IFT172: variants seen among roughly 807,000 people sequenced by gnomAD.
The protein encoded by IFT172 is intraflagellar transport 172, also known as intraflagellar transport protein 172 homolog.
A neutral mutation model predicts 248.9 loss-of-function variants in IFT172; 164 were observed. The ratio of observed to expected loss-of-function variants is 0.66; its 90% CI spans 0.58 to 0.75. The LOEUF is 0.75. Ranked by LOEUF, IFT172 falls within the 30% of genes least tolerant of loss-of-function variation. The pLI, the probability that IFT172 is intolerant of heterozygous loss-of-function variation, is 0.00. For synonymous variants in IFT172, 729 were observed against 791.6 expected, an observed-to-expected ratio of 0.92 and a Z score of 1.33; for missense variants, 1,950 against 2,192.4, an observed-to-expected ratio of 0.89 and a Z score of 2.21.
intron 23 of IFT172, 65 bp downstream of exon 23, chr2:27,460,950 G>T: frequency 1.3e-6 from 2 of 1,594,744 alleles, no homozygotes; most frequent in Non-Finnish European, 1.7e-6. Flanking sequence ...CCCTACAAGA[G>T]GTGCCAGGGA....
In IFT172 at chr2:27,447,591, T is replaced by C. The variant is rs776991066; in HGVS notation, c.4583A>G (p.His1528Arg). The C allele has an allele frequency of 4.3e-6, 7 of 1,614,154 alleles. No individual in the cohort carries two copies. In the South Asian group the frequency reaches 6.6e-5, roughly 15 times the overall value. Residue 1528 changes from histidine to arginine, a missense_variant, in exon 42 of 48, where the codon CAT (histidine) becomes CGT (arginine). By Grantham distance (29) the His-to-Arg change is conservative (BLOSUM62 0). Transcript: ENST00000260570. ...CAGCAGCATCGTCTTGAACTCCTCATGGGCTGGAGAGTTTGCCTCACTGGA... is the reference window on the plus strand; with the variant it reads ...CAGCAGCATCGTCTTGAACTCCTCACGGGCTGGAGAGTTTGCCTCACTGGA... Reference protein sequence around the residue: ...VKSSEANSPAHEEFKTMLLIA... With the variant: ...VKSSEANSPAREEFKTMLLIA...
intron 18 of IFT172, among the ~76,000 whole-genome samples, chr2:27,464,725 C>T (rs946309118): frequency 6.6e-6 from 1 of 151,458 alleles, no homozygotes; most frequent in Non-Finnish European, 1.5e-5. Context: ...TCAAGTGATT[C>T]CTGTGCCTCA....
chr2:27,465,991 C>T, intron 16 of IFT172, 109 bp from the exon 17 acceptor site: 1 of 1,249,574 alleles, frequency 8.0e-7, no homozygotes, highest in East Asian at 2.3e-5. Context: ...AAGAGAGTCA[C>T]AGCGGCCCTG....
chr2:27,473,113 T>C (rs1188900507), intron 14 of IFT172, among the ~76,000 whole-genome samples: 1 of 151,898 alleles, frequency 6.6e-6, no homozygotes, highest in African/African-American at 2.4e-5. Context: ...ATGCCTGTAA[T>C]CTCAGCACTT....
At chr2:27,453,895 T>C (rs1665930658) in intron 33 of IFT172, 87 bp downstream of exon 33, 3 of 1,468,484 alleles carry the variant, frequency 2.0e-6, no homozygotes, top group Non-Finnish European at 2.8e-6. Context: ...CTCCCTGATC[T>C]TTCTTCATAC....
At position 27,445,612 on chromosome 2, in the gene IFT172, A is replaced by G; in HGVS notation, c.4914+133T>C. 7.6e-7 allele frequency: 1 copy of G among 1,319,724 alleles called. No individual in the cohort carries two copies. The highest frequency in any genetic ancestry group is 1.0e-6 in the Non-Finnish European group (1 of 956,980). 81.8% of individuals were successfully genotyped at this position (1,319,724 alleles called of 1,614,324 possible). A position where few individuals can be genotyped will look rare whatever the true frequency, so the allele number is the denominator to read the frequency against. On this transcript the variant is annotated intron_variant, in intron 45 of 47. Transcript: ENST00000260570. The surrounding 1 kb of genome is among the most constrained non-coding windows in gnomAD (Gnocchi z 4.4). ...GATGCAGTCACAGCCTTTTCTTTCT[A>G]TTTTGCTTCTACTTTCACTGAAAAA...
intron 14 of IFT172, among the ~76,000 whole-genome samples, chr2:27,472,907 G>A (rs1444156722): frequency 2.0e-5 from 3 of 152,118 alleles, no homozygotes; most frequent in East Asian, 1.9e-4. Context: ...TGGCTGGGAT[G>A]GTTTCAGGGG....
chr2:27,453,969 T>G lies in IFT172; in HGVS notation c.3711+13A>C, dbSNP rs371208266. ...CTCCCCCTCCCCTCATGGCCCTGCA[T>G]CCAGTGCCCCACCTTATAATAATTG... is the stretch of plus-strand genomic sequence containing the variant. On this transcript the variant is annotated intron_variant, in intron 33 of 47. Transcript: ENST00000260570. 1 of 1,606,136 alleles carries G rather than the reference T, an allele frequency of 6.2e-7. No homozygotes were observed. The highest frequency in any genetic ancestry group is 8.5e-7 in the Non-Finnish European group (1 of 1,178,064).
At chr2:27,489,199 C>T (rs1451145313) in intron 1 of IFT172, among the ~76,000 whole-genome samples, 1 of 152,238 alleles carries the variant, frequency 6.6e-6, no homozygotes, top group Non-Finnish European at 1.5e-5. Flanking sequence ...CCCTAGTGCC[C>T]AGCCTCTCCT....
At chr2:27,466,595 C>T (rs1667100076) in intron 16 of IFT172, among the ~76,000 whole-genome samples, 1 of 152,046 alleles carries the variant, frequency 6.6e-6, no homozygotes, top group South Asian at 2.1e-4. Context: ...CAAAAAAATA[C>T]ATTCAAAGCA....
chr2:27,477,443 A>G (rs1214098568), intron 12 of IFT172, 116 bp downstream of exon 12: 2 of 1,208,486 alleles, frequency 1.7e-6, no homozygotes, highest in Non-Finnish European at 2.5e-6. Flanking sequence ...TGCCAATTTC[A>G]TCCTCCCTGT....
Position 27,477,211 on chromosome 2 carries a change from G to C in IFT172, c.1325+6C>G, listed in dbSNP as rs753078264. 6.2e-7 allele frequency: 1 copy of C among 1,609,736 alleles called. No homozygotes were observed. Among genetic ancestry groups the C allele is most frequent in the Non-Finnish European group, 8.5e-7 (1 of 1,175,984 alleles). On this transcript the variant is annotated splice_donor_region_variant and intron_variant, in intron 13 of 47. Coordinates refer to ENST00000260570, the MANE Select transcript of IFT172 (RefSeq NM_015662.3). ...TTCAGGGATTCAGAGAATCTTGTGA[G>C]GTTACCTGATGAGGTGGGGGTTCAT...
chr2:27,461,699 A>T (rs1270651655), intron 21 of IFT172, 60 bp downstream of exon 21: 1 of 1,604,344 alleles, frequency 6.2e-7, no homozygotes, highest in Non-Finnish European at 8.5e-7. Context: ...TGACAAAAGG[A>T]GGTTTTTGAA....
chr2:27,472,407 T>C, intron 14 of IFT172, 45 bp from the exon 15 acceptor site: 1 of 1,439,566 alleles, frequency 6.9e-7, no homozygotes, highest in South Asian at 1.2e-5. Flanking sequence ...ATTCCACACA[T>C]ATACATAGTA....
chr2:27,453,662 T>C lies in IFT172; in HGVS notation c.3789A>G (p.Glu1263=). The change falls in exon 34 of 48, where the codon GAA becomes GAG. Residue 1263 remains glutamate (E), a synonymous_variant. Transcript: ENST00000260570. ...VPSQLEALQE[E]YEREATKKGA... ...CCTTCTTAGTAGCTTCCCGCTCATA[T>C]TCTTCCTGCAGAGCCTCCAGCTGGC... The C allele has an allele frequency of 6.2e-7, 1 of 1,612,556 alleles. No individual in the cohort carries two copies. Among genetic ancestry groups the C allele is most frequent in the Non-Finnish European group, 8.5e-7 (1 of 1,179,464 alleles).
chr2:27,477,889 A>G, intron 11 of IFT172, 106 bp downstream of exon 11: 1 of 1,404,134 alleles, frequency 7.1e-7, no homozygotes, highest in Admixed American at 1.9e-5. Context: ...CTACACCAGA[A>G]TGTTAGAACT....
Position 27,472,380 on chromosome 2 carries a change from CAG to C in IFT172, c.1412-20_1412-19del. The C allele has an allele frequency of 6.3e-7, 1 of 1,598,906 alleles. No homozygotes were observed. The highest frequency in any genetic ancestry group is 8.6e-7 in the Non-Finnish European group (1 of 1,167,054). ...CAGATCCACTATAGAATAAAGGAGACAGGGTTAAGAAGAGAGATTCCACACAT... is the reference window on the plus strand; with the variant it reads ...CAGATCCACTATAGAATAAAGGAGACGGTTAAGAAGAGAGATTCCACACAT... On this transcript the variant is annotated intron_variant, in intron 14 of 47. Coordinates refer to ENST00000260570, the MANE Select transcript of IFT172 (RefSeq NM_015662.3).
At position 27,453,431 on chromosome 2, in the gene IFT172, C is replaced by T; in HGVS notation, c.3904G>A (p.Val1302Met). 1.2e-6 allele frequency: 2 copies of T among 1,614,220 alleles called. No individual in the cohort carries two copies. The highest frequency in any genetic ancestry group is 1.7e-6 in the Non-Finnish European group (2 of 1,180,036). Residue 1302 changes from valine to methionine, a missense_variant, in exon 35 of 48, where the codon GTG becomes ATG. This residue lies in a region of IFT172 where 620 missense variants were observed against 699.0 expected (regional missense o/e 0.89). Coordinates refer to ENST00000260570, the MANE Select transcript of IFT172 (RefSeq NM_015662.3). ...AGGCCGCTGTTTCCAGAGTCTCGCACTTTGAGGTAGCAGTCCACGGCACGG... is the reference window on the plus strand; with the variant it reads ...AGGCCGCTGTTTCCAGAGTCTCGCATTTTGAGGTAGCAGTCCACGGCACGG... ...YSRAVDCYLKVRDSGNSGLAE... is the reference protein window; with the variant it reads ...YSRAVDCYLKMRDSGNSGLAE...
chr2:27,477,537 T>C, intron 12 of IFT172, 22 bp downstream of exon 12: 9 of 1,551,024 alleles, frequency 5.8e-6, no homozygotes, highest in Non-Finnish European at 8.0e-6. Context: ...AAGATGGTGA[T>C]GGTGAATCAA....
Sources: allele counts gnomAD v4.1 joint callset (sites outside exome capture counted in the v4.1 genomes callset), GRCh38; gene constraint gnomAD v4.1.1; regional missense constraint gnomAD v4.1.1; non-coding constraint Gnocchi (gnomAD v3.1); transcripts MANE v1.5; gene names NCBI Gene and HGNC (gene_info 2026-07-23, HGNC 2026-07-21).